Variants in SH3PXD2A observed in about 807,000 individuals in gnomAD.
SH3PXD2A encodes SH3 and PX domain-containing protein 2A.
SH3PXD2A carries 32 observed loss-of-function variants against 115.2 expected under a neutral mutation model. That is an observed-to-expected ratio of 0.28 (90% CI 0.21 to 0.37). The LOEUF (loss-of-function observed/expected upper bound fraction) is 0.37. Ranked by LOEUF, SH3PXD2A falls within the 10% of genes least tolerant of loss-of-function variation. The pLI, the probability that SH3PXD2A is intolerant of heterozygous loss-of-function variation, is 1.00. For synonymous variants in SH3PXD2A, 610 were observed against 629.1 expected (o/e 0.97, Z 0.45); for missense variants, 1,328 against 1,498.7 (o/e 0.89, Z 1.88).
In SH3PXD2A at chr10:103,602,159, G is replaced by C. The variant is rs776180564; in HGVS notation, c.3059C>G (p.Thr1020Ser). ...GGCCTCGGCGGCAGCGGAGCGAGCA[G>C]TGCTAAAGGAGGAGTTCCGTCGGAC... Reference protein sequence around the residue: ...RGVRRNSSFSTARSAAAEAKG... With the variant: ...RGVRRNSSFSSARSAAAEAKG... Residue 1020 changes from threonine to serine, a missense_variant, in exon 15 of 15, where the codon ACT becomes AGT. Around this residue, in one of 5 missense-constraint regions of SH3PXD2A, gnomAD observed 574 missense variants for 565.7 expected, o/e 1.01. Transcript: ENST00000369774. The C allele has an allele frequency of 2.5e-6, 4 of 1,576,028 alleles. No individual in the cohort carries two copies. The highest frequency in any genetic ancestry group is 1.2e-5 in the South Asian group (1 of 84,170).
intron 2 of SH3PXD2A, among the ~76,000 whole-genome samples, chr10:103,790,376 G>A (rs894971447): frequency 6.5e-4 from 99 of 152,086 alleles, no homozygotes; most frequent in Non-Finnish European, 8.8e-5. Context: ...GGATGGTCTC[G>A]ATCTCCTGAC....
intron 5 of SH3PXD2A, among the ~76,000 whole-genome samples, chr10:103,698,642 G>A (rs2037854868): frequency 6.8e-6 from 1 of 146,270 alleles, no homozygotes; most frequent in Non-Finnish European, 1.5e-5. Context: ...GATTTTGACT[G>A]CTGTTATCAA....
At chr10:103,609,071 G>A (rs1592260409) in intron 13 of SH3PXD2A, 1 of 151,480 alleles carries the variant, frequency 6.6e-6, no homozygotes, top group East Asian at 1.9e-4. Context: ...CAGGAAAATA[G>A]CGTGAGCCCA....
At position 103,855,520 on chromosome 10, in the gene SH3PXD2A, G is replaced by T. The variant is rs1842932802; in HGVS notation, c.-254C>A. The T allele has an allele frequency of 6.6e-6, 1 of 150,730 alleles. No individual in the cohort carries two copies. The highest frequency in any genetic ancestry group is 6.6e-5 in the Admixed American group (1 of 15,094). 9.3% of individuals were successfully genotyped at this position (150,730 alleles called of 1,614,324 possible). On this transcript the variant is annotated 5_prime_UTR_variant, in exon 1 of 15. Coordinates refer to ENST00000369774, the MANE Select transcript of SH3PXD2A (RefSeq NM_001394015.1). ...CGCGCCCCTTCACTCCCGCGCGGCC[G>T]CCGCGCTGCGCTCGCCCGCTCGCTC...
chr10:103,670,180 G>C (rs1342492136), intron 6 of SH3PXD2A, among the ~76,000 whole-genome samples: 1 of 152,004 alleles, frequency 6.6e-6, no homozygotes. Context: ...GCCCCCTTCT[G>C]GTTCTCATTG....
At chr10:103,671,755 G>A (rs1178633154) in intron 6 of SH3PXD2A, among the ~76,000 whole-genome samples, 1 of 152,128 alleles carries the variant, frequency 6.6e-6, no homozygotes, top group African/African-American at 2.4e-5. Flanking sequence ...AGGGACAGGG[G>A]TGAAGGAGCA....
chr10:103,648,836 G>T (rs1310141967), intron 8 of SH3PXD2A, among the ~76,000 whole-genome samples: 1 of 152,158 alleles, frequency 6.6e-6, no homozygotes, highest in Non-Finnish European at 1.5e-5. Context: ...GTGCCCCCTC[G>T]CGTGCGTGTG....
chr10:103,826,746 TG>T (rs1288837349), intron 1 of SH3PXD2A, among the ~76,000 whole-genome samples: 1 of 152,198 alleles, frequency 6.6e-6, no homozygotes, highest in African/African-American at 2.4e-5. Flanking sequence ...GGCATGAAAT[TG>T]TTTTGGTTCA....
chr10:103,795,903 AAAGG>A (rs747408854), intron 2 of SH3PXD2A, among the ~76,000 whole-genome samples: 68 of 120,088 alleles, frequency 5.7e-4, no homozygotes, highest in African/African-American at 8.0e-4. Flanking sequence ...GGAGGGAGGA[AAAGG>A]AAGGAAGGAA....
intron 3 of SH3PXD2A, among the ~76,000 whole-genome samples, chr10:103,752,736 C>T (rs756689976): frequency 1.3e-5 from 2 of 152,302 alleles, no homozygotes; most frequent in Middle Eastern, 3.4e-3. Flanking sequence ...CATCTTTCTT[C>T]CTTGTTTTCA....
chr10:103,839,696 C>T lies in SH3PXD2A; in HGVS notation c.72+15499G>A, dbSNP rs564157489. 1.1e-3 allele frequency among the ~76,000 whole-genome samples: 171 copies of T among 152,272 alleles called. 1 individual carries two copies. Among genetic ancestry groups the T allele is most frequent in the African/African-American group, 3.9e-3 (161 of 41,542 alleles). On this transcript the variant is annotated intron_variant, in intron 1 of 14. Transcript: ENST00000369774. Reference sequence around the variant, plus strand: ...TTCCCGTCAGGCAGTCGGCCTCCCACTGGCTGCCTCAACATAATCTCCACA... The same window carrying T: ...TTCCCGTCAGGCAGTCGGCCTCCCATTGGCTGCCTCAACATAATCTCCACA...
intron 3 of SH3PXD2A, among the ~76,000 whole-genome samples, chr10:103,761,947 G>A (rs10748848): frequency 0.35 from 53,547 of 151,160 alleles, 10,266 homozygotes; most frequent in East Asian, 0.62. Context: ...CCTGCAGTGA[G>A]ACTGGAGGGA....
At chr10:103,664,123 C>G (rs958350330) in intron 7 of SH3PXD2A, among the ~76,000 whole-genome samples, 2 of 152,310 alleles carry the variant, frequency 1.3e-5, no homozygotes, top group South Asian at 4.1e-4. Context: ...ATGCCTGGAG[C>G]CTCTGTGGCC....
intron 8 of SH3PXD2A, among the ~76,000 whole-genome samples, chr10:103,630,350 G>C (rs1303484201): frequency 2.0e-5 from 3 of 152,220 alleles, no homozygotes; most frequent in Non-Finnish European, 4.4e-5. Flanking sequence ...GGAGGTCACA[G>C]AGCAGGGCTT....
intron 2 of SH3PXD2A, among the ~76,000 whole-genome samples, chr10:103,787,984 G>T (rs2038996671): frequency 6.6e-6 from 1 of 152,006 alleles, no homozygotes; most frequent in Non-Finnish European, 1.5e-5. Context: ...CTCCTCACCA[G>T]CCCCAAAGCA....
In SH3PXD2A at chr10:103,784,004, GCAAAGCTTGCTGTCTTC is replaced by G. The variant is rs2038957307; in HGVS notation, c.154-16852_154-16836del. 6.6e-6 allele frequency among the ~76,000 whole-genome samples: 1 copy of G among 152,210 alleles called. No individual in the cohort carries two copies. Among genetic ancestry groups the G allele is most frequent in the African/African-American group, 2.4e-5 (1 of 41,458 alleles). On this transcript the variant is annotated intron_variant, in intron 2 of 14. Transcript: ENST00000369774. The surrounding 1 kb of genome is among the most constrained non-coding windows in gnomAD (Gnocchi z 4.4). The stretch of plus-strand genomic sequence containing the variant: ...GGAATGCAACAGGAAAAGTCCCCCC[GCAAAGCTTGCTGTCTTC>G]CAAGCCCACCCTGGTGCCCAGCTGC...
At chr10:103,695,426 T>G (rs568967335) in intron 5 of SH3PXD2A, among the ~76,000 whole-genome samples, 3 of 151,358 alleles carry the variant, frequency 2.0e-5, no homozygotes, top group African/African-American at 7.3e-5. Flanking sequence ...GAGGATTGCT[T>G]GAAGCCCAGG....
intron 8 of SH3PXD2A, among the ~76,000 whole-genome samples, chr10:103,659,374 A>G (rs558650997): frequency 6.6e-6 from 1 of 152,336 alleles, no homozygotes; most frequent in African/African-American, 2.4e-5. Flanking sequence ...CCTAGCCAGA[A>G]GTTCTGAGAA....
At chr10:103,694,941 G>A (rs7087575) in intron 5 of SH3PXD2A, among the ~76,000 whole-genome samples, 18,631 of 152,258 alleles carry the variant, frequency 0.12, 1,343 homozygotes, top group South Asian at 0.21. Context: ...CAGAGACTGA[G>A]TCCTAGCTGT....
Sources: allele counts gnomAD v4.1 joint callset (sites outside exome capture counted in the v4.1 genomes callset), GRCh38; gene constraint gnomAD v4.1.1; regional missense constraint gnomAD v4.1.1; non-coding constraint Gnocchi (gnomAD v3.1); transcripts MANE v1.5; gene names NCBI Gene and HGNC (gene_info 2026-07-23, HGNC 2026-07-21).